The following STX8 variants were observed in gnomAD, a reference collection of about 807,000 sequenced individuals.
The protein encoded by STX8 is syntaxin-8.
In STX8, 23 loss-of-function variants were observed where a neutral mutation model predicts 37.5. The observed-to-expected ratio is 0.61, with a 90% CI of 0.44 to 0.87. The LOEUF (loss-of-function observed/expected upper bound fraction) is 0.87, where lower values mean the gene tolerates loss of function less well. Among genes scored for constraint, STX8 ranks in the 40% least tolerant of loss-of-function variants. The pLI, the probability that STX8 is intolerant of heterozygous loss-of-function variation, is 0.00. For missense variants in STX8, 313 were observed against 284.7 expected (o/e 1.10, Z -0.71); for synonymous variants, 115 against 99.1 (o/e 1.16, Z -0.95).
intron 7 of STX8, among the ~76,000 whole-genome samples, chr17:9,370,210 A>C (rs535809529): frequency 4.4e-4 from 67 of 152,266 alleles, no homozygotes; most frequent in Middle Eastern, 6.8e-3. Flanking sequence ...GCAAGACTCC[A>C]TCTCAAAAAA....
chr17:9,455,275 G>A (rs188639205), intron 6 of STX8, among the ~76,000 whole-genome samples: 51 of 151,828 alleles, frequency 3.4e-4, no homozygotes, highest in East Asian at 1.7e-3. Flanking sequence ...CGAGGTGGGC[G>A]GATCATGAGG....
intron 6 of STX8, among the ~76,000 whole-genome samples, chr17:9,456,437 C>T (rs1905189828): frequency 6.6e-6 from 1 of 152,196 alleles, no homozygotes; most frequent in African/African-American, 2.4e-5. Context: ...CAGCTGAGTT[C>T]ACTGAGGCCA....
At chr17:9,287,639 G>A (rs530458196) in intron 7 of STX8, among the ~76,000 whole-genome samples, 11 of 152,300 alleles carry the variant, frequency 7.2e-5, no homozygotes, top group African/African-American at 2.6e-4. Flanking sequence ...AGATAGTCCT[G>A]TTTGGGATCC....
intron 7 of STX8, among the ~76,000 whole-genome samples, chr17:9,294,952 A>G (rs8075662): frequency 0.3 from 46,157 of 152,140 alleles, 7,845 homozygotes; most frequent in African/African-American, 0.45. Flanking sequence ...GAAGGCAGCC[A>G]TCTGCAACCC....
intron 7 of STX8, among the ~76,000 whole-genome samples, chr17:9,290,752 C>T (rs1908284485): frequency 6.6e-6 from 1 of 152,156 alleles, no homozygotes; most frequent in Non-Finnish European, 1.5e-5. Flanking sequence ...CCGATATATA[C>T]CTGTAGACAA....
At chr17:9,300,587 C>T (rs1301492571) in intron 7 of STX8, among the ~76,000 whole-genome samples, 1 of 151,822 alleles carries the variant, frequency 6.6e-6, no homozygotes, top group African/African-American at 2.4e-5. Flanking sequence ...ATGTTTTCTA[C>T]CTGGTTATGA....
intron 6 of STX8, among the ~76,000 whole-genome samples, chr17:9,440,365 C>T (rs1193063575): frequency 6.6e-6 from 1 of 152,088 alleles, no homozygotes; most frequent in Non-Finnish European, 1.5e-5. Flanking sequence ...CCTGCCGATT[C>T]CTCCTTTATA....
chr17:9,340,817 C>T (rs1159704230), intron 7 of STX8, among the ~76,000 whole-genome samples: 2 of 150,444 alleles, frequency 1.3e-5, no homozygotes, highest in Non-Finnish European at 3.0e-5. Context: ...GCGACTATGC[C>T]TGGCTAATTT....
chr17:9,313,820 C>CG (rs1214771358), intron 7 of STX8, among the ~76,000 whole-genome samples: 5 of 152,082 alleles, frequency 3.3e-5, no homozygotes, highest in African/African-American at 9.7e-5. Flanking sequence ...TTAGTAGAGA[C>CG]GGGGTTTCAC....
intron 7 of STX8, among the ~76,000 whole-genome samples, chr17:9,361,023 T>C (rs1237881528): frequency 2.0e-5 from 3 of 152,132 alleles, no homozygotes; most frequent in Admixed American, 6.6e-5. Flanking sequence ...GCAGAAAAAG[T>C]CAACAGTGAT....
intron 7 of STX8, among the ~76,000 whole-genome samples, chr17:9,357,162 G>A (rs1014248780): frequency 6.6e-6 from 1 of 151,374 alleles, no homozygotes; most frequent in African/African-American, 2.4e-5. Flanking sequence ...ACGGGGTTTC[G>A]CCATGTTGGC....
chr17:9,504,940 C>G, intron 5 of STX8, 98 bp downstream of exon 5: 1 of 1,301,562 alleles, frequency 7.7e-7, no homozygotes, highest in Non-Finnish European at 1.0e-6. Context: ...CGCCACTGCA[C>G]TCCAGCCTAG....
At chr17:9,410,106 C>A in intron 6 of STX8, among the ~76,000 whole-genome samples, 1 of 152,200 alleles carries the variant, frequency 6.6e-6, no homozygotes, top group East Asian at 1.9e-4. Context: ...AGCTGTTGCT[C>A]CCTCCACCTT....
chr17:9,355,276 G>A (rs1910837789), intron 7 of STX8, among the ~76,000 whole-genome samples: 1 of 150,940 alleles, frequency 6.6e-6, no homozygotes, highest in Non-Finnish European at 1.5e-5. Context: ...TTTCGATCTT[G>A]GATGGATCCT....
At chr17:9,545,034 G>T in intron 4 of STX8, 138 bp downstream of exon 4, 1 of 616,304 alleles carries the variant, frequency 1.6e-6, no homozygotes, top group South Asian at 2.1e-5. Context: ...AAATTGAGTA[G>T]AAAATTATAG....
chr17:9,519,347 C>G (rs912609345), intron 4 of STX8, among the ~76,000 whole-genome samples: 3 of 151,888 alleles, frequency 2.0e-5, no homozygotes, highest in Non-Finnish European at 4.4e-5. Context: ...ACTGTATTCC[C>G]AAGTCATCCA....
intron 6 of STX8, among the ~76,000 whole-genome samples, chr17:9,430,904 C>T (rs1446657879): frequency 2.0e-5 from 3 of 152,180 alleles, no homozygotes; most frequent in Admixed American, 2.0e-4. Context: ...CCGCCTCGGC[C>T]TCCCAAAGTG....
At chr17:9,502,475 A>G (rs898850042) in intron 5 of STX8, among the ~76,000 whole-genome samples, 2 of 152,250 alleles carry the variant, frequency 1.3e-5, no homozygotes, top group African/African-American at 2.4e-5. Flanking sequence ...GAGCTTATAC[A>G]TAAGTTAATT....
intron 2 of STX8, 22 bp from the exon 3 acceptor site, chr17:9,557,550 C>G (rs1486900079): frequency 1.3e-6 from 2 of 1,598,990 alleles, no homozygotes; most frequent in Non-Finnish European, 1.7e-6. Context: ...AGAACACATC[C>G]TAAGTATTCT....
Sources: gnomAD v4.1 joint callset for allele counts (sites outside exome capture counted in the v4.1 genomes callset) on GRCh38, gnomAD v4.1.1 for gene constraint, MANE v1.5 for transcripts, NCBI Gene and HGNC (gene_info 2026-07-23, HGNC 2026-07-21) for gene names.